FEZ1: variants seen among roughly 807,000 people sequenced by gnomAD.
FEZ1 encodes the protein fasciculation and elongation protein zeta-1.
A neutral mutation model predicts 49.3 loss-of-function variants in FEZ1; 20 were observed. The observed-to-expected ratio is 0.41, with a 90% CI of 0.29 to 0.59. The LOEUF is 0.59. Ranked by LOEUF, FEZ1 falls within the 20% of genes least tolerant of loss-of-function variation. The pLI is 0.36. For missense variants in FEZ1, 413 were observed against 476.0 expected, an observed-to-expected ratio of 0.87 and a Z score of 1.23; for synonymous variants, 170 against 180.9, an observed-to-expected ratio of 0.94 and a Z score of 0.48.
chr11:125,466,310 G>A lies in FEZ1; in HGVS notation c.412-2740C>T, dbSNP rs528908359. 1.3e-4 allele frequency among the ~76,000 whole-genome samples: 20 copies of A among 152,028 alleles called. 1 individual carries two copies. In the South Asian group the frequency reaches 2.5e-3, roughly 19 times the overall value. On this transcript the variant is annotated intron_variant, in intron 3 of 9. Coordinates refer to ENST00000278919, the MANE Select transcript of FEZ1 (RefSeq NM_005103.5). ...AACCTGGGCAACATGGCAAGACTCC[G>A]TCTCTAAAAAAATAGAAAAATTAGT... is the stretch of plus-strand genomic sequence containing the variant.
In FEZ1 at chr11:125,455,736, G is replaced by A. The variant is rs547404922; in HGVS notation, c.939+99C>T. The A allele has an allele frequency of 1.1e-3, 1,394 of 1,252,966 alleles. 9 individuals carry two copies. The highest frequency in any genetic ancestry group is 3.7e-4 in the Middle Eastern group (2 of 5,374). The allele number at this position is 1,252,966 out of a possible 1,614,324, so 77.6% of individuals were successfully genotyped here. A position where few individuals can be genotyped will look rare whatever the true frequency, so the allele number is the denominator to read the frequency against. ...AGTGTGCTGCTCACCACCACTGCTC[G>A]GTAAACGTTGATGAGTCCCCTGCAG... On this transcript the variant is annotated intron_variant, in intron 6 of 9. Coordinates refer to ENST00000278919, the MANE Select transcript of FEZ1 (RefSeq NM_005103.5).
intron 3 of FEZ1, among the ~76,000 whole-genome samples, chr11:125,464,046 T>C (rs1409063598): frequency 3.9e-5 from 6 of 152,188 alleles, no homozygotes; most frequent in Non-Finnish European, 7.3e-5. Flanking sequence ...AATGATGACT[T>C]TCAGAATTTG....
intron 6 of FEZ1, chr11:125,454,442 C>A: frequency 2.6e-6 from 1 of 385,434 alleles, no homozygotes; most frequent in Non-Finnish European, 4.6e-6. Context: ...GGCTACAAGA[C>A]CCCTCTGCAT....
At chr11:125,469,545 C>T (rs1049634216) in intron 3 of FEZ1, among the ~76,000 whole-genome samples, 2 of 152,144 alleles carry the variant, frequency 1.3e-5, no homozygotes, top group Non-Finnish European at 2.9e-5. Context: ...CAGGCGTGAG[C>T]TATCACCAGC....
intron 4 of FEZ1, 50 bp from the exon 5 acceptor site, chr11:125,460,716 C>T: frequency 6.5e-7 from 1 of 1,539,932 alleles, no homozygotes; most frequent in Non-Finnish European, 8.9e-7. Context: ...GCTAGAGGGG[C>T]ATTCTGGCTT....
rs556383502 is a variant in FEZ1 at position 125,457,279 on chromosome 11, A to T, written c.668-1173T>A. Among the ~76,000 whole-genome samples, 268 of 142,736 alleles carry T rather than the reference A, an allele frequency of 1.9e-3. 6 individuals carry two copies. The highest frequency in any genetic ancestry group is 5.0e-3 in the African/African-American group (194 of 38,956). 93.6% of individuals were successfully genotyped at this position (142,736 alleles called of 152,430 possible). Reference sequence around the variant, plus strand: ...AATTCTTTTAAACACTTAAAAAAAAATTTAGGCCAGGTGCAGTGGCTCACA... The same window carrying T: ...AATTCTTTTAAACACTTAAAAAAAATTTTAGGCCAGGTGCAGTGGCTCACA... On this transcript the variant is annotated intron_variant, in intron 5 of 9. Coordinates refer to ENST00000278919, the MANE Select transcript of FEZ1 (RefSeq NM_005103.5).
intron 2 of FEZ1, among the ~76,000 whole-genome samples, chr11:125,484,149 C>G (rs1162118498): frequency 6.6e-6 from 1 of 152,198 alleles, no homozygotes; most frequent in Non-Finnish European, 1.5e-5. Context: ...TACCCAGTGC[C>G]CATTTAACAA....
rs145060681 is a variant in FEZ1, at chr11:125,443,758, CAA to C, written c.*2335_*2336del. Among the ~76,000 whole-genome samples the C allele has an allele frequency of 7.8e-3, 1,186 of 152,276 alleles. 13 individuals carry two copies. The highest frequency in any genetic ancestry group is 0.026 in the African/African-American group (1,095 of 41,554). The stretch of plus-strand genomic sequence containing the variant: ...CTTAAACTCCTGATAGACGGACAAA[CAA>C]GAGAGAAAGGAGGAGCCACTGTTTT... On this transcript the variant is annotated 3_prime_UTR_variant, in exon 10 of 10. Transcript: ENST00000278919.
At chr11:125,467,197 C>A (rs1957138746) in intron 3 of FEZ1, among the ~76,000 whole-genome samples, 1 of 152,036 alleles carries the variant, frequency 6.6e-6, no homozygotes. Context: ...CCACACCTGA[C>A]TAAGATTTTT....
At position 125,495,471 on chromosome 11, in the gene FEZ1, C is replaced by T. The variant is rs1342388518; in HGVS notation, c.-46+650G>A. The T allele has an allele frequency of 2.1e-6, 1 of 470,514 alleles. No individual in the cohort carries two copies. The highest frequency in any genetic ancestry group is 1.5e-5 in the South Asian group (1 of 64,542). The allele number at this position is 470,514 out of a possible 1,614,324, so 29.1% of individuals were successfully genotyped here. ...GCAGCGCGCCCCGCCACCGCGCAGCCGCCCCGGTCCCTTCTCCCGCCCGTC... is the reference window on the plus strand; with the variant it reads ...GCAGCGCGCCCCGCCACCGCGCAGCTGCCCCGGTCCCTTCTCCCGCCCGTC... On this transcript the variant is annotated intron_variant, in intron 1 of 9. Transcript: ENST00000278919. The surrounding 1 kb of genome is among the most constrained non-coding windows in gnomAD (Gnocchi z 4.2).
intron 4 of FEZ1, among the ~76,000 whole-genome samples, chr11:125,462,352 G>A (rs563450277): frequency 4.1e-4 from 63 of 152,292 alleles, no homozygotes; most frequent in Middle Eastern, 6.8e-3. Context: ...AATTGAATGC[G>A]AAGCACTCTA....
At chr11:125,477,693 G>C (rs1232406246) in intron 3 of FEZ1, among the ~76,000 whole-genome samples, 1 of 152,110 alleles carries the variant, frequency 6.6e-6, no homozygotes, top group Non-Finnish European at 1.5e-5. Context: ...AGTGTTTACA[G>C]CTTGCAGAAA....
intron 5 of FEZ1, among the ~76,000 whole-genome samples, chr11:125,457,417 AAAAAAAAAAAAAATAT>A (rs1424350558): frequency 2.0e-3 from 77 of 38,638 alleles, no homozygotes; most frequent in Non-Finnish European, 2.4e-3. Flanking sequence ...AAAAAAAAAA[AAAAAAAAAAAAAATAT>A]ATATATATAT....
Position 125,462,025 on chromosome 11 carries a change from T to A in FEZ1, c.499-1359A>T, listed in dbSNP as rs536535024. Among the ~76,000 whole-genome samples, 278 of 152,308 alleles carry A rather than the reference T, an allele frequency of 1.8e-3. 6 individuals are homozygous for A. Among genetic ancestry groups the A allele is most frequent in the African/African-American group, 4.9e-3 (203 of 41,572 alleles). ...TGAGTTCATATCATTGAATTGTAGA[T>A]CCTCCTACAAGTCACAAGAATAGCT... On this transcript the variant is annotated intron_variant, in intron 4 of 9. Transcript: ENST00000278919.
At chr11:125,482,691 G>T (rs1026743916) in intron 2 of FEZ1, among the ~76,000 whole-genome samples, 2 of 152,084 alleles carry the variant, frequency 1.3e-5, no homozygotes, top group African/African-American at 4.8e-5. Context: ...GAGGCCGGGC[G>T]CGATGGCTCA....
chr11:125,478,720 TAGAAG>T (rs1231103037), intron 3 of FEZ1, among the ~76,000 whole-genome samples: 2 of 152,184 alleles, frequency 1.3e-5, no homozygotes, highest in African/African-American at 4.8e-5. Context: ...ATGGGTTAGA[TAGAAG>T]AAATACTACA....
At position 125,488,688 on chromosome 11, in the gene FEZ1, A is replaced by C. The variant is rs544763964; in HGVS notation, c.311+779T>G. The C allele has an allele frequency of 9.2e-6, 9 of 981,154 alleles. No homozygotes were observed. The African/African-American group carries it at 1.4e-4, about 15-fold the overall frequency. The allele number at this position is 981,154 out of a possible 1,614,324, so 60.8% of individuals were successfully genotyped here. ...GAATGAAACTTCATCTCAAAAAAAA[A>C]CAAAACAAAACAAAACAAAAAAACA... On this transcript the variant is annotated intron_variant, in intron 2 of 9. Coordinates refer to ENST00000278919, the MANE Select transcript of FEZ1 (RefSeq NM_005103.5).
intron 5 of FEZ1, among the ~76,000 whole-genome samples, chr11:125,459,031 A>T (rs1158397024): frequency 6.6e-6 from 1 of 152,106 alleles, no homozygotes; most frequent in Non-Finnish European, 1.5e-5. Context: ...ATGCCACTGC[A>T]CTCCAGCCTG....
chr11:125,462,544 CAAT>C (rs1282402442), intron 4 of FEZ1, among the ~76,000 whole-genome samples: 1 of 152,192 alleles, frequency 6.6e-6, no homozygotes, highest in African/African-American at 2.4e-5. Context: ...CAACGAATTT[CAAT>C]AAGAAGGCTT....
Sources: allele counts gnomAD v4.1 joint callset (sites outside exome capture counted in the v4.1 genomes callset), GRCh38; gene constraint gnomAD v4.1.1; non-coding constraint Gnocchi (gnomAD v3.1); transcripts MANE v1.5; gene names NCBI Gene and HGNC (gene_info 2026-07-23, HGNC 2026-07-21).